NDOR1: variants seen among roughly 807,000 people sequenced by gnomAD.
The protein encoded by NDOR1 is NADPH dependent diflavin oxidoreductase 1.
Under a neutral mutation model 67.2 loss-of-function variants are expected in NDOR1, and 61 were observed. The observed-to-expected ratio is 0.91, with a 90% CI of 0.74 to 1.12. The LOEUF (loss-of-function observed/expected upper bound fraction) is 1.12. Among genes scored for constraint, NDOR1 ranks in the 50% most tolerant of loss-of-function variants. The probability of loss-of-function intolerance (pLI) is 0.00; values close to 1 mark genes in which losing one functional copy is unlikely to be tolerated. For missense variants in NDOR1, 878 were observed against 802.8 expected (o/e 1.09, Z -1.13); for synonymous variants, 378 against 343.7 (o/e 1.10, Z -1.10).
At position 137,214,661 on chromosome 9, in the gene NDOR1, C is replaced by T. The variant is rs772292364; in HGVS notation, c.814C>T (p.Gln272Ter). ...CCAGGTGCTGGGCCTGGACCCTGAC[C>T]AGCTCTTCATGCTGCAGCCGCGGGA... ...FCQVLGLDPD[Q>*]LFMLQPREPD... The change falls in exon 7 of 14, where the codon CAG becomes TAG. Residue 272 changes from glutamine (Q) to a stop codon, truncating the protein, a stop_gained. Coordinates refer to ENST00000684003, the MANE Select transcript of NDOR1 (RefSeq NM_014434.4). LOFTEE classifies it high-confidence loss of function. The T allele has an allele frequency of 1.2e-6, 2 of 1,606,792 alleles. No individual in the cohort carries two copies. Among genetic ancestry groups the T allele is most frequent in the Non-Finnish European group, 1.7e-6 (2 of 1,179,930 alleles).
In NDOR1 at chr9:137,215,130, C is replaced by A; in HGVS notation, c.1101C>A (p.Ile367=). 6.2e-7 allele frequency: 1 copy of A among 1,613,796 alleles called. No homozygotes were observed. Among genetic ancestry groups the A allele is most frequent in the Non-Finnish European group, 8.5e-7 (1 of 1,180,000 alleles). The change falls in exon 9 of 14, where the codon ATC becomes ATA. Residue 367 remains isoleucine (I), a synonymous_variant. Coordinates refer to ENST00000684003, the MANE Select transcript of NDOR1 (RefSeq NM_014434.4). ...LCDFPHTAAA[I]PPDYLLDLIP... is the part of the protein sequence containing the mutation. Reference sequence around the variant, plus strand: ...ACTTCCCGCACACAGCTGCCGCCATCCCTCCCGACTACCTGTTGGACCTCA... The same window carrying A: ...ACTTCCCGCACACAGCTGCCGCCATACCTCCCGACTACCTGTTGGACCTCA...
At chr9:137,206,374 T>C in intron 2 of NDOR1, 65 bp downstream of exon 2, 1 of 1,529,846 alleles carries the variant, frequency 6.5e-7, no homozygotes, top group Non-Finnish European at 9.1e-7. Context: ...TTTCATTGCC[T>C]GGCGTCTAGG....
intron 1 of NDOR1, 100 bp from the exon 2 acceptor site, chr9:137,206,131 CT>C: frequency 6.6e-7 from 1 of 1,507,846 alleles, no homozygotes; most frequent in South Asian, 1.1e-5. Flanking sequence ...ATAAATCCCT[CT>C]GCCCTGTCAG....
At chr9:137,206,498 C>G (rs1834975030) in intron 2 of NDOR1, among the ~76,000 whole-genome samples, 189 bp downstream of exon 2, 3 of 152,188 alleles carry the variant, frequency 2.0e-5, no homozygotes, top group African/African-American at 7.2e-5. Context: ...GTCGTAGCCA[C>G]CAAATAGCCT....
intron 5 of NDOR1, 27 bp downstream of exon 5, chr9:137,214,095 A>C (rs769748474): frequency 5.6e-5 from 86 of 1,531,594 alleles, no homozygotes; most frequent in Non-Finnish European, 7.3e-5. Context: ...GGTCACCCAC[A>C]GGCGCAGCAG....
intron 1 of NDOR1, 127 bp downstream of exon 1, chr9:137,206,039 G>C (rs1190429853): frequency 2.0e-6 from 3 of 1,487,792 alleles, no homozygotes; most frequent in Non-Finnish European, 2.7e-6. Flanking sequence ...GCGGATTTAG[G>C]GAAGGAGGTT....
chr9:137,218,297 CGCCAGCCCCGCCG>C lies in NDOR1; in HGVS notation c.*1882_*1894del. The stretch of plus-strand genomic sequence containing the variant: ...GCTGCTACAGGCCGACGGGCCCTCA[CGCCAGCCCCGCCG>C]AGAGGCCCCTGCATCCTATCACCGC... On this transcript the variant is annotated 3_prime_UTR_variant, in exon 14 of 14. Coordinates refer to ENST00000684003, the MANE Select transcript of NDOR1 (RefSeq NM_014434.4). The C allele has an allele frequency of 2.5e-6, 1 of 398,298 alleles. No homozygotes were observed. The highest frequency in any genetic ancestry group is 4.4e-6 in the Non-Finnish European group (1 of 225,806). 24.7% of individuals were successfully genotyped at this position (398,298 alleles called of 1,614,324 possible). A position where few individuals can be genotyped will look rare whatever the true frequency, so the allele number is the denominator to read the frequency against.
Position 137,217,850 on chromosome 9 carries a change from T to C in NDOR1, c.*1434T>C, listed in dbSNP as rs1015881107. ...CACCCTCCACCTGGCCGACTCCAGC[T>C]CTGGGCCTGTCAGTCCACCTGGGTC... On this transcript the variant is annotated 3_prime_UTR_variant, in exon 14 of 14. Coordinates refer to ENST00000684003, the MANE Select transcript of NDOR1 (RefSeq NM_014434.4). 10 of 397,978 alleles carry C rather than the reference T, an allele frequency of 2.5e-5. No homozygotes were observed. Among genetic ancestry groups the C allele is most frequent in the Non-Finnish European group, 4.0e-5 (9 of 226,426 alleles). The allele number at this position is 397,978 out of a possible 1,614,324, so 24.7% of individuals were successfully genotyped here. A position where few individuals can be genotyped will look rare whatever the true frequency, so the allele number is the denominator to read the frequency against.
rs759379418 is a variant in NDOR1, at chr9:137,216,436, C to A, written c.*20C>A. The A allele has an allele frequency of 6.3e-7, 1 of 1,587,268 alleles. No individual in the cohort carries two copies. Among genetic ancestry groups the A allele is most frequent in the Admixed American group, 1.7e-5 (1 of 58,936 alleles). On this transcript the variant is annotated 3_prime_UTR_variant, in exon 14 of 14. Coordinates refer to ENST00000684003, the MANE Select transcript of NDOR1 (RefSeq NM_014434.4). ...GCCTGAGGCCCGCGGCTGCCCGTGC[C>A]CCCTCTGACAGCCATCCTCCTGGGA... is the stretch of plus-strand genomic sequence containing the variant.
At position 137,216,277 on chromosome 9, in the gene NDOR1, C is replaced by G; in HGVS notation, c.1655C>G (p.Ala552Gly). 4 of 1,613,156 alleles carry G rather than the reference C, an allele frequency of 2.5e-6. No homozygotes were observed. Among genetic ancestry groups the G allele is most frequent in the Non-Finnish European group, 3.4e-6 (4 of 1,179,996 alleles). The change falls in exon 14 of 14, where the codon GCC becomes GGC. Residue 552 changes from alanine (A) to glycine (G), a missense_variant. Transcript: ENST00000684003. ...TCTGCGACCTGCCCCTCTAGCAACG[C>G]CAAGTCCATGCCAGCGGACGTCTCG... ...QGAYFYLAGN[A>G]KSMPADVSEA...
intron 2 of NDOR1, among the ~76,000 whole-genome samples, chr9:137,208,246 G>A (rs972090264): frequency 5.3e-5 from 8 of 150,700 alleles, no homozygotes; most frequent in Admixed American, 1.3e-4. Context: ...TCAGGAGATC[G>A]AGACCATCCT....
rs1306966081 is a variant in NDOR1 at position 137,214,602 on chromosome 9, C to T, written c.755C>T (p.Pro252Leu). 6.2e-7 allele frequency: 1 copy of T among 1,611,074 alleles called. No individual in the cohort carries two copies. The highest frequency in any genetic ancestry group is 1.7e-5 in the Admixed American group (1 of 60,006). ...FAAGDVVLIQ[P>L]SNSAAHVQRF... ...GCTGGTGATGTGGTGCTGATTCAGC[C>T]CTCCAACTCGGCTGCCCATGTCCAG... Residue 252 changes from proline (P) to leucine (L), a missense_variant, in exon 7 of 14, where the codon CCC (proline) becomes CTC (leucine). By Grantham distance (98) the Pro-to-Leu change is moderately conservative (BLOSUM62 -3). Coordinates refer to ENST00000684003, the MANE Select transcript of NDOR1 (RefSeq NM_014434.4).
chr9:137,212,568 G>A lies in NDOR1; in HGVS notation c.280G>A (p.Val94Ile), dbSNP rs1426614237. 20 of 1,613,926 alleles carry A rather than the reference G, an allele frequency of 1.2e-5. No homozygotes were observed. Among genetic ancestry groups the A allele is most frequent in the East Asian group, 4.5e-5 (2 of 44,894 alleles). Reference protein sequence around the residue: ...STALCQMDFAVLGLGDSSYAK... With the variant: ...STALCQMDFAILGLGDSSYAK... Reference sequence around the variant, plus strand: ...TGCCCTCTGTCAGATGGACTTTGCCGTCCTGGGCCTCGGGGACTCCTCATA... The same window carrying A: ...TGCCCTCTGTCAGATGGACTTTGCCATCCTGGGCCTCGGGGACTCCTCATA... Residue 94 changes from valine (V) to isoleucine (I), a missense_variant, in exon 3 of 14, where the codon GTC (valine) becomes ATC (isoleucine). By Grantham distance (29) the Val-to-Ile change is conservative. Transcript: ENST00000684003. The surrounding 1 kb of genome is among the most constrained non-coding windows in gnomAD (Gnocchi z 4.3).
chr9:137,214,383 T>TTA lies in NDOR1; in HGVS notation c.693_694insAT (p.Glu232MetfsTer19). The TTA allele has an allele frequency of 6.2e-7, 1 of 1,614,098 alleles. No individual in the cohort carries two copies. The highest frequency in any genetic ancestry group is 1.3e-5 in the African/African-American group (1 of 75,022). On this transcript the variant is annotated frameshift_variant, in exon 6 of 14. Coordinates refer to ENST00000684003, the MANE Select transcript of NDOR1 (RefSeq NM_014434.4). LOFTEE classifies it high-confidence loss of function. ...TCCCACTTCCAGGACGTTCGGCTGATTGAGTTTGACATCTTGGGCTCTGGC... is the reference window on the plus strand; with the variant it reads ...TCCCACTTCCAGGACGTTCGGCTGATTATGAGTTTGACATCTTGGGCTCTGGC...
rs541913387 is a variant in NDOR1, at chr9:137,217,218, C to T, written c.*802C>T. Among the ~76,000 whole-genome samples, 72 of 152,194 alleles carry T rather than the reference C, an allele frequency of 4.7e-4. No homozygotes were observed. Among genetic ancestry groups the T allele is most frequent in the Non-Finnish European group, 9.4e-4 (64 of 68,004 alleles). Reference sequence around the variant, plus strand: ...GCACCCTTGTTGGGCTGCCTGTGCCCGAGTGGCCTCTGCAGCTCTTATGTC... The same window carrying T: ...GCACCCTTGTTGGGCTGCCTGTGCCTGAGTGGCCTCTGCAGCTCTTATGTC... On this transcript the variant is annotated 3_prime_UTR_variant, in exon 14 of 14. Transcript: ENST00000684003.
chr9:137,213,649 GT>G, intron 3 of NDOR1, 130 bp from the exon 4 acceptor site: 1 of 926,524 alleles, frequency 1.1e-6, no homozygotes, highest in Non-Finnish European at 1.6e-6. Flanking sequence ...CGTGGAGTGT[GT>G]TTTCCACCCG....
chr9:137,207,157 C>T (rs901983768), intron 2 of NDOR1, among the ~76,000 whole-genome samples: 26 of 151,970 alleles, frequency 1.7e-4, no homozygotes, highest in Admixed American at 1.3e-4. Flanking sequence ...CTAGCAAAAC[C>T]GCACTGGTCT....
At position 137,218,269 on chromosome 9, in the gene NDOR1, G is replaced by GT. The variant is rs1254090553; in HGVS notation, c.*1853_*1854insT. The GT allele has an allele frequency of 5.0e-6, 2 of 398,226 alleles. No homozygotes were observed. The highest frequency in any genetic ancestry group is 4.1e-5 in the African/African-American group (2 of 48,616). The allele number at this position is 398,226 out of a possible 1,614,324, so 24.7% of individuals were successfully genotyped here. Reference sequence around the variant, plus strand: ...AATGGGAGATCTGCCGGCTACAGGAGGAGCTGCTACAGGCCGACGGGCCCT... The same window carrying GT: ...AATGGGAGATCTGCCGGCTACAGGAGTGAGCTGCTACAGGCCGACGGGCCCT... On this transcript the variant is annotated 3_prime_UTR_variant, in exon 14 of 14. Transcript: ENST00000684003.
chr9:137,214,026 A>G lies in NDOR1; in HGVS notation c.470A>G (p.Tyr157Cys). 1 of 1,546,836 alleles carries G rather than the reference A, an allele frequency of 6.5e-7. No homozygotes were observed. The highest frequency in any genetic ancestry group is 8.7e-7 in the Non-Finnish European group (1 of 1,148,518). The part of the protein sequence containing the change: ...RDLWDRVLGL[Y>C]PPPPGLTEIP... ...TTGTGGGACAGGGTTCTGGGGCTGT[A>G]CCCGCCGCCTCCGGGCCTCACTGAG... Residue 157 changes from tyrosine to cysteine, a missense_variant, in exon 5 of 14, where the codon TAC becomes TGC. By Grantham distance (194) the Tyr-to-Cys change is radical. Coordinates refer to ENST00000684003, the MANE Select transcript of NDOR1 (RefSeq NM_014434.4).
Sources: allele counts gnomAD v4.1 joint callset (sites outside exome capture counted in the v4.1 genomes callset), GRCh38; gene constraint gnomAD v4.1.1; non-coding constraint Gnocchi (gnomAD v3.1); transcripts MANE v1.5; gene names NCBI Gene and HGNC (gene_info 2026-07-23, HGNC 2026-07-21).